Variants in FER observed in about 807,000 individuals in gnomAD.
The protein encoded by FER is tyrosine-protein kinase Fer.
FER carries 63 observed loss-of-function variants against 111.0 expected under a neutral mutation model. That is an observed-to-expected ratio of 0.57 (90% CI 0.46 to 0.70). FER has a LOEUF of 0.70. Among genes scored for constraint, FER ranks in the 30% least tolerant of loss-of-function variants. The probability of loss-of-function intolerance (pLI) is 0.00; values close to 1 mark genes in which losing one functional copy is unlikely to be tolerated. For synonymous variants in FER, 327 were observed against 313.9 expected (o/e 1.04, Z -0.44); for missense variants, 914 against 954.0 (o/e 0.96, Z 0.55).
At chr5:108,938,860 G>A (rs1357211574) in intron 10 of FER, among the ~76,000 whole-genome samples, 1 of 151,946 alleles carries the variant, frequency 6.6e-6, no homozygotes, top group East Asian at 1.9e-4. Context: ...ATGTAGAGTG[G>A]ACAAAAATGT....
chr5:108,774,046 C>T (rs1484839588), intron 2 of FER, among the ~76,000 whole-genome samples: 2 of 151,728 alleles, frequency 1.3e-5, no homozygotes, highest in Non-Finnish European at 2.9e-5. Context: ...TAAGTTCCCT[C>T]CCCTCACCTC....
In FER at chr5:109,187,553, T is replaced by A. The variant is rs1759021982; in HGVS notation, c.2447T>A (p.Ile816Asn). Residue 816 changes from isoleucine (I) to asparagine (N), a missense_variant, in exon 20 of 20, where the codon ATC (isoleucine) becomes AAC (asparagine). Physicochemically the swap from Ile to Asn is moderately radical, Grantham distance 149. Around this residue, in one of 3 missense-constraint regions of FER, gnomAD observed 134 missense variants for 149.4 expected, o/e 0.90. Transcript: ENST00000281092. ...KFSELQKELT[I>N]IKRKLT ...AGTGAACTTCAGAAAGAGCTCACTA[T>A]CATCAAGAGAAAACTCACATAGTGA... The A allele has an allele frequency of 1.9e-6, 3 of 1,614,162 alleles. No homozygotes were observed. Among genetic ancestry groups the A allele is most frequent in the Non-Finnish European group, 2.5e-6 (3 of 1,180,020 alleles).
At chr5:109,018,793 G>A (rs1207408117) in intron 13 of FER, among the ~76,000 whole-genome samples, 1 of 151,606 alleles carries the variant, frequency 6.6e-6, no homozygotes, top group Non-Finnish European at 1.5e-5. Flanking sequence ...CTTTAGAAGG[G>A]ACTTAAGTAG....
At chr5:108,984,576 A>C (rs74643932) in intron 13 of FER, among the ~76,000 whole-genome samples, 1 of 150,894 alleles carries the variant, frequency 6.6e-6, no homozygotes, top group African/African-American at 2.4e-5. Context: ...TTTTTTTTTT[A>C]CATTCTGTAT....
intron 16 of FER, among the ~76,000 whole-genome samples, chr5:109,091,541 G>A (rs1199334501): frequency 6.6e-6 from 1 of 152,152 alleles, no homozygotes; most frequent in East Asian, 1.9e-4. Flanking sequence ...CTAGAGCAAT[G>A]CCTAGCAGTC....
intron 16 of FER, among the ~76,000 whole-genome samples, chr5:109,075,752 A>G (rs1007919435): frequency 3.9e-5 from 6 of 152,100 alleles, no homozygotes; most frequent in Non-Finnish European, 2.9e-5. Context: ...GTACCTGTCT[A>G]CCACTTAAAA....
chr5:108,967,759 C>CAAAAAAAAAAAAAAAAAAAAA (rs774855414), intron 13 of FER, among the ~76,000 whole-genome samples: 18 of 34,454 alleles, frequency 5.2e-4, no homozygotes, highest in Non-Finnish European at 9.2e-4. Context: ...GACTCCGTCT[C>CAAAAAAAAAAAAAAAAAAAAA]AAAAAAAAAA....
At chr5:108,922,247 T>C (rs1317015992) in intron 10 of FER, among the ~76,000 whole-genome samples, 1 of 152,198 alleles carries the variant, frequency 6.6e-6, no homozygotes, top group Non-Finnish European at 1.5e-5. Context: ...TTTCTGTTGT[T>C]AGAAGTCACC....
chr5:109,137,433 A>G (rs887522740), intron 17 of FER, among the ~76,000 whole-genome samples: 12 of 152,204 alleles, frequency 7.9e-5, no homozygotes, highest in East Asian at 5.8e-4. Context: ...CTCTATTCAC[A>G]TATCACCAAA....
intron 5 of FER, chr5:108,842,116 C>T (rs1430968958): frequency 5.8e-6 from 1 of 173,526 alleles, no homozygotes; most frequent in East Asian, 1.7e-4. Flanking sequence ...GATGTGATAT[C>T]TGAGGTTTGC....
chr5:109,004,266 G>C (rs1201000664), intron 13 of FER, among the ~76,000 whole-genome samples: 2 of 151,992 alleles, frequency 1.3e-5, no homozygotes, highest in Non-Finnish European at 2.9e-5. Flanking sequence ...GCCTCCACGT[G>C]GCCTGTGGCT....
chr5:109,173,520 G>C (rs1221212493), intron 17 of FER, among the ~76,000 whole-genome samples: 2 of 152,132 alleles, frequency 1.3e-5, no homozygotes, highest in Non-Finnish European at 2.9e-5. Context: ...CTGCATTGTT[G>C]TCCCCACCCA....
chr5:108,750,959 G>T (rs866529319), intron 1 of FER, among the ~76,000 whole-genome samples: 1 of 152,314 alleles, frequency 6.6e-6, no homozygotes, highest in Middle Eastern at 3.4e-3. Flanking sequence ...TTGGGAGGCC[G>T]AGGCGGGCGG....
chr5:108,882,760 G>T (rs995218785), intron 8 of FER, among the ~76,000 whole-genome samples: 2 of 151,802 alleles, frequency 1.3e-5, no homozygotes, highest in African/African-American at 4.8e-5. Flanking sequence ...TGATAGCCAT[G>T]TATGTTTTTG....
At chr5:108,959,899 AC>A (rs1402089891) in intron 13 of FER, among the ~76,000 whole-genome samples, 1 of 152,124 alleles carries the variant, frequency 6.6e-6, no homozygotes, top group Non-Finnish European at 1.5e-5. Flanking sequence ...AACACTACTT[AC>A]ATGTGCTTTA....
In FER at chr5:109,193,626, T is replaced by C. The variant is rs535657960; in HGVS notation, c.*6051T>C. Reference sequence around the variant, plus strand: ...CTGTATTCATTCAGAAAGTTTTTCTTGAACATCTGCCACATGAGGTGCAGA... The same window carrying C: ...CTGTATTCATTCAGAAAGTTTTTCTCGAACATCTGCCACATGAGGTGCAGA... On this transcript the variant is annotated 3_prime_UTR_variant, in exon 20 of 20. Transcript: ENST00000281092. The C allele has an allele frequency of 4.4e-4, 67 of 152,294 alleles. No individual in the cohort carries two copies. The highest frequency in any genetic ancestry group is 1.6e-3 in the African/African-American group (65 of 41,578). The allele number at this position is 152,294 out of a possible 1,614,324, so 9.4% of individuals were successfully genotyped here.
At chr5:108,847,605 A>G (rs1228417087) in intron 5 of FER, among the ~76,000 whole-genome samples, 1 of 152,130 alleles carries the variant, frequency 6.6e-6, no homozygotes, top group African/African-American at 2.4e-5. Flanking sequence ...ATGGAAGGAT[A>G]TTGAAATCGC....
rs546202166 is a variant in FER at position 108,846,354 on chromosome 5, C to T, written c.481+10547C>T. Reference sequence around the variant, plus strand: ...TTGGGAGGCTGAGAAGGGGGAGGATCGCTTGAGCCTAGGAGTACGAAGTTA... The same window carrying T: ...TTGGGAGGCTGAGAAGGGGGAGGATTGCTTGAGCCTAGGAGTACGAAGTTA... On this transcript the variant is annotated intron_variant, in intron 5 of 19. Coordinates refer to ENST00000281092, the MANE Select transcript of FER (RefSeq NM_005246.4). Among the ~76,000 whole-genome samples, 8 of 151,906 alleles carry T rather than the reference C, an allele frequency of 5.3e-5. No individual in the cohort carries two copies. The East Asian group carries it at 1.2e-3, about 22-fold the overall frequency.
intron 16 of FER, among the ~76,000 whole-genome samples, chr5:109,076,510 A>G (rs930751459): frequency 1.3e-5 from 2 of 151,768 alleles, no homozygotes; most frequent in African/African-American, 4.8e-5. Context: ...GCACACTGCA[A>G]CCTCTCCCTC....
Sources: allele counts gnomAD v4.1 joint callset (sites outside exome capture counted in the v4.1 genomes callset), GRCh38; gene constraint gnomAD v4.1.1; regional missense constraint gnomAD v4.1.1; transcripts MANE v1.5; gene names NCBI Gene and HGNC (gene_info 2026-07-23, HGNC 2026-07-21).